The following FAR1 variants were observed in gnomAD, a reference collection of about 807,000 sequenced individuals.
FAR1 encodes the protein fatty acyl-CoA reductase 1.
Under a neutral mutation model 61.1 loss-of-function variants are expected in FAR1, and 22 were observed. The observed-to-expected ratio is 0.36, with a 90% CI of 0.26 to 0.51. The LOEUF (loss-of-function observed/expected upper bound fraction) is 0.51, where lower values mean the gene tolerates loss of function less well. Ranked by LOEUF, FAR1 falls within the 20% of genes least tolerant of loss-of-function variation. The pLI, the probability that FAR1 is intolerant of heterozygous loss-of-function variation, is 0.95. For synonymous variants in FAR1, 206 were observed against 209.7 expected, an observed-to-expected ratio of 0.98 and a Z score of 0.15; for missense variants, 359 against 626.9, an observed-to-expected ratio of 0.57 and a Z score of 4.56.
At chr11:13,697,014 C>T (rs1388388645) in intron 2 of FAR1, among the ~76,000 whole-genome samples, 3 of 152,162 alleles carry the variant, frequency 2.0e-5, no homozygotes, top group Non-Finnish European at 1.5e-5. Flanking sequence ...CAGCAGCATT[C>T]CTGGCCTCAC....
At chr11:13,672,136 G>C (rs1848011770) in intron 1 of FAR1, among the ~76,000 whole-genome samples, 2 of 152,090 alleles carry the variant, frequency 1.3e-5, no homozygotes, top group South Asian at 4.1e-4. Flanking sequence ...TAATGTTTGG[G>C]CTGGTAGTTA....
chr11:13,687,934 C>T (rs1466188659), intron 1 of FAR1, among the ~76,000 whole-genome samples: 2 of 126,580 alleles, frequency 1.6e-5, no homozygotes, highest in African/African-American at 3.1e-5. Flanking sequence ...GAACATCACA[C>T]ACCGGGGACT....
chr11:13,693,515 G>GCTTA (rs1848275942), intron 1 of FAR1, among the ~76,000 whole-genome samples: 1 of 152,146 alleles, frequency 6.6e-6, no homozygotes, highest in Non-Finnish European at 1.5e-5. Context: ...ACTAAGCCTG[G>GCTTA]GAGCCAAAGT....
intron 9 of FAR1, among the ~76,000 whole-genome samples, chr11:13,717,188 C>A (rs1340876930): frequency 6.6e-6 from 1 of 152,042 alleles, no homozygotes; most frequent in African/African-American, 2.4e-5. Flanking sequence ...CCCCAGATCC[C>A]TGTGGCATCA....
chr11:13,694,979 G>C, intron 2 of FAR1, 25 bp downstream of exon 2: 4 of 1,570,684 alleles, frequency 2.5e-6, no homozygotes, highest in Non-Finnish European at 2.6e-6. Flanking sequence ...TGAGCACTCA[G>C]AACAAAGAAA....
chr11:13,675,196 GAT>G (rs1293388551), intron 1 of FAR1, among the ~76,000 whole-genome samples: 5 of 152,020 alleles, frequency 3.3e-5, no homozygotes, highest in Non-Finnish European at 7.4e-5. Flanking sequence ...CGAGAAATTA[GAT>G]ATAGTAAGCT....
intron 4 of FAR1, among the ~76,000 whole-genome samples, chr11:13,708,579 C>T (rs1020439455): frequency 1.3e-5 from 2 of 151,970 alleles, no homozygotes; most frequent in African/African-American, 4.8e-5. Flanking sequence ...GTGTAGTTTT[C>T]ACTTTTGACC....
chr11:13,682,840 G>A (rs1017689945), intron 1 of FAR1, among the ~76,000 whole-genome samples: 1 of 151,818 alleles, frequency 6.6e-6, no homozygotes, highest in East Asian at 1.9e-4. Context: ...TCAAACTCAC[G>A]GGCTCAAGCA....
intron 2 of FAR1, among the ~76,000 whole-genome samples, chr11:13,698,830 CAAAA>C (rs75986780): frequency 7.6e-6 from 1 of 131,486 alleles, no homozygotes. Flanking sequence ...GACTCCGTCT[CAAAA>C]AAAAAAAAAA....
intron 2 of FAR1, among the ~76,000 whole-genome samples, chr11:13,699,092 C>A (rs1305561055): frequency 6.6e-6 from 1 of 152,146 alleles, no homozygotes; most frequent in Non-Finnish European, 1.5e-5. Context: ...AATTTCAGGG[C>A]CTTCCTCCCT....
chr11:13,730,469 T>G lies in FAR1; in HGVS notation c.*1695T>G, dbSNP rs958737402. The G allele has an allele frequency of 2.0e-5, 3 of 152,306 alleles. No individual in the cohort carries two copies. Among genetic ancestry groups the G allele is most frequent in the African/African-American group, 7.2e-5 (3 of 41,434 alleles). 9.4% of individuals were successfully genotyped at this position (152,306 alleles called of 1,614,324 possible). On this transcript the variant is annotated 3_prime_UTR_variant, in exon 12 of 12. Coordinates refer to ENST00000354817, the MANE Select transcript of FAR1 (RefSeq NM_032228.6). ...AAAGTCTCTGGTCTAGGACCATACC[T>G]TATATAAAGGTATAAGAGACCATGA...
At chr11:13,703,753 T>TGTGGGGAGGGCTGGGC (rs1246177550) in intron 3 of FAR1, among the ~76,000 whole-genome samples, 1 of 151,736 alleles carries the variant, frequency 6.6e-6, no homozygotes, top group African/African-American at 2.4e-5. Context: ...TGACAAAAAG[T>TGTGGGGAGGGCTGGGC]GTGGGGAGGG....
At chr11:13,677,799 T>G (rs1453486946) in intron 1 of FAR1, among the ~76,000 whole-genome samples, 1 of 152,230 alleles carries the variant, frequency 6.6e-6, no homozygotes, top group Non-Finnish European at 1.5e-5. Flanking sequence ...AAGCATTTTT[T>G]GGGAAGAGCT....
intron 8 of FAR1, among the ~76,000 whole-genome samples, chr11:13,714,007 C>T (rs996680957): frequency 1.3e-5 from 2 of 151,882 alleles, no homozygotes; most frequent in Non-Finnish European, 2.9e-5. Context: ...ATAGATGATA[C>T]TAGGTTTGAT....
chr11:13,687,959 G>T, intron 1 of FAR1, among the ~76,000 whole-genome samples: 1 of 118,188 alleles, frequency 8.5e-6, no homozygotes, highest in African/African-American at 3.2e-5. Context: ...TGGGGTGGGG[G>T]GAGGGGGGAG....
chr11:13,722,498 A>G (rs1848621211), intron 10 of FAR1, among the ~76,000 whole-genome samples: 1 of 150,844 alleles, frequency 6.6e-6, no homozygotes, highest in Non-Finnish European at 1.5e-5. Context: ...TTTTTGAGAT[A>G]GAGTTTCGTT....
At chr11:13,714,016 A>T (rs1565350041) in intron 8 of FAR1, among the ~76,000 whole-genome samples, 1 of 152,116 alleles carries the variant, frequency 6.6e-6, no homozygotes, top group Admixed American at 6.5e-5. Context: ...ACTAGGTTTG[A>T]TTATGTTGAC....
In FAR1 at chr11:13,674,754, C is replaced by T. The variant is rs533311771; in HGVS notation, c.-8+5948C>T. ...ATGAAAAATTTTTTAAATAAAGTACCGTCAAAAAGATGTTGAAGTTTCATT... is the reference window on the plus strand; with the variant it reads ...ATGAAAAATTTTTTAAATAAAGTACTGTCAAAAAGATGTTGAAGTTTCATT... On this transcript the variant is annotated intron_variant, in intron 1 of 11. Coordinates refer to ENST00000354817, the MANE Select transcript of FAR1 (RefSeq NM_032228.6). Among the ~76,000 whole-genome samples, 44 of 152,080 alleles carry T rather than the reference C, an allele frequency of 2.9e-4. No homozygotes were observed. The East Asian group carries it at 2.9e-3, about 10-fold the overall frequency.
chr11:13,676,688 T>G (rs1377785400), intron 1 of FAR1, among the ~76,000 whole-genome samples: 2 of 152,180 alleles, frequency 1.3e-5, no homozygotes, highest in African/African-American at 4.8e-5. Flanking sequence ...ATTATGAGCA[T>G]AAGCAGAATT....
Sources: gnomAD v4.1 joint callset for allele counts (sites outside exome capture counted in the v4.1 genomes callset) on GRCh38, gnomAD v4.1.1 for gene constraint, MANE v1.5 for transcripts, NCBI Gene and HGNC (gene_info 2026-07-23, HGNC 2026-07-21) for gene names.